The following ATRNL1 variants were observed in gnomAD, a reference collection of about 807,000 sequenced individuals.
ATRNL1 encodes the protein attractin-like protein 1.
ATRNL1 carries 95 observed loss-of-function variants against 182.7 expected under a neutral mutation model. The ratio of observed to expected loss-of-function variants is 0.52; its 90% CI spans 0.44 to 0.62. The LOEUF (loss-of-function observed/expected upper bound fraction) is 0.62. Ranked by LOEUF, ATRNL1 falls within the 20% of genes least tolerant of loss-of-function variation. The pLI is 0.00. For synonymous variants in ATRNL1, 576 were observed against 568.3 expected (o/e 1.01, Z -0.19); for missense variants, 1,471 against 1,679.5 (o/e 0.88, Z 2.17).
At position 115,093,935 on chromosome 10, in the gene ATRNL1, C is replaced by G; in HGVS notation, c.185C>G (p.Pro62Arg). 1 of 1,596,896 alleles carries G rather than the reference C, an allele frequency of 6.3e-7. No homozygotes were observed. The highest frequency in any genetic ancestry group is 8.5e-7 in the Non-Finnish European group (1 of 1,173,138). Residue 62 changes from proline (P) to arginine (R), a missense_variant, in exon 1 of 29, where the codon CCG becomes CGG. Physicochemically the swap from Pro to Arg is moderately radical, Grantham distance 103. Around this residue, in one of 3 missense-constraint regions of ATRNL1, gnomAD observed 1,031 missense variants for 1,156.0 expected, o/e 0.89. Coordinates refer to ENST00000355044, the MANE Select transcript of ATRNL1 (RefSeq NM_207303.4). This position sits in a 1 kb window ranked among gnomAD's most constrained non-coding sequence, Gnocchi z 6.1. ...ALYAQVSQSK[P>R]CERTGSCFSG... ...TACGCGCAGGTGTCCCAGTCCAAGC[C>G]GTGCGAGAGGACCGGCTCCTGCTTC... is the stretch of plus-strand genomic sequence containing the variant.
At chr10:115,916,261 C>T (rs1053113061) in intron 28 of ATRNL1, among the ~76,000 whole-genome samples, 27 of 152,212 alleles carry the variant, frequency 1.8e-4, no homozygotes, top group Admixed American at 1.7e-3. Flanking sequence ...AACTTTACTG[C>T]GGAATTGCTT....
chr10:115,362,983 G>A (rs1420845865), intron 19 of ATRNL1, among the ~76,000 whole-genome samples: 11 of 151,842 alleles, frequency 7.2e-5, no homozygotes, highest in East Asian at 3.9e-4. Flanking sequence ...ATAAACATAC[G>A]TGTGCATGTG....
chr10:115,171,689 T>G (rs1554885681), intron 8 of ATRNL1, among the ~76,000 whole-genome samples: 1 of 152,050 alleles, frequency 6.6e-6, no homozygotes. Context: ...CTAATCTTAC[T>G]GCTATATCTT....
intron 26 of ATRNL1, among the ~76,000 whole-genome samples, chr10:115,630,251 A>G (rs1555025860): frequency 6.6e-6 from 1 of 152,150 alleles, no homozygotes; most frequent in East Asian, 1.9e-4. Context: ...GACAATAGAT[A>G]TATGAAAAGG....
intron 28 of ATRNL1, among the ~76,000 whole-genome samples, chr10:115,855,082 T>A (rs1199134355): frequency 2.0e-5 from 3 of 152,216 alleles, no homozygotes; most frequent in Non-Finnish European, 4.4e-5. Context: ...ACAGCACCAC[T>A]GGCTACATGG....
rs782565892 is a variant in ATRNL1 at position 115,160,124 on chromosome 10, G to A, written c.914G>A (p.Arg305Gln). 2 of 1,611,988 alleles carry A rather than the reference G, an allele frequency of 1.2e-6. No individual in the cohort carries two copies. The highest frequency in any genetic ancestry group is 8.5e-7 in the Non-Finnish European group (1 of 1,178,900). ...AAACCCTTCAGTCCTTCTGTAGGTC[G>A]GGCTTCACATAAAGCAGTTTTACAC... ...NVKPFSPSVG[R>Q]ASHKAVLHGK... is the part of the protein sequence containing the mutation. The change falls in exon 6 of 29, where the codon CGG (arginine) becomes CAG (glutamine). Residue 305 changes from arginine to glutamine, a missense_variant. Coordinates refer to ENST00000355044, the MANE Select transcript of ATRNL1 (RefSeq NM_207303.4).
At chr10:115,617,229 C>T (rs1857479337) in intron 26 of ATRNL1, among the ~76,000 whole-genome samples, 1 of 152,206 alleles carries the variant, frequency 6.6e-6, no homozygotes, top group Non-Finnish European at 1.5e-5. Flanking sequence ...TAATGACTGC[C>T]CTACTTGGTT....
chr10:115,797,686 A>C (rs1949687877), intron 27 of ATRNL1, among the ~76,000 whole-genome samples: 1 of 152,148 alleles, frequency 6.6e-6, no homozygotes, highest in African/African-American at 2.4e-5. Context: ...AAAGCAGGAA[A>C]GTGGGGTTTG....
intron 27 of ATRNL1, among the ~76,000 whole-genome samples, chr10:115,785,900 A>AT (rs1464496644): frequency 1.3e-5 from 2 of 152,160 alleles, no homozygotes; most frequent in African/African-American, 4.8e-5. Context: ...ACACAACACA[A>AT]TTGAGTTGAA....
intron 17 of ATRNL1, among the ~76,000 whole-genome samples, chr10:115,308,389 T>C (rs965324637): frequency 3.3e-5 from 5 of 152,108 alleles, no homozygotes; most frequent in Non-Finnish European, 4.4e-5. Flanking sequence ...TTCAATTAAA[T>C]TTGTATAGTA....
intron 5 of ATRNL1, among the ~76,000 whole-genome samples, chr10:115,158,939 G>T (rs1364744258): frequency 1.3e-5 from 2 of 151,672 alleles, no homozygotes; most frequent in African/African-American, 4.8e-5. Context: ...CAAGTGAAGG[G>T]TAAATGATTA....
At chr10:115,184,369 CACAT>C (rs1291532858) in intron 8 of ATRNL1, among the ~76,000 whole-genome samples, 3 of 151,436 alleles carry the variant, frequency 2.0e-5, no homozygotes, top group Admixed American at 6.6e-5. Flanking sequence ...TATATACACA[CACAT>C]AAACACACAC....
intron 27 of ATRNL1, among the ~76,000 whole-genome samples, chr10:115,760,629 T>TAC (rs1420637480): frequency 6.6e-6 from 1 of 152,122 alleles, no homozygotes; most frequent in African/African-American, 2.4e-5. Context: ...TCTGAAACAA[T>TAC]ACACACACAC....
chr10:115,685,272 A>G (rs565121576), intron 26 of ATRNL1, among the ~76,000 whole-genome samples: 2 of 151,734 alleles, frequency 1.3e-5, no homozygotes, highest in African/African-American at 2.4e-5. Context: ...TCAATTATTC[A>G]TCTTTATTTC....
At chr10:115,714,736 C>T (rs782328717) in intron 26 of ATRNL1, among the ~76,000 whole-genome samples, 1 of 151,604 alleles carries the variant, frequency 6.6e-6, no homozygotes, top group Non-Finnish European at 1.5e-5. Context: ...TTCTCTGATC[C>T]ACTTAAAATT....
Position 115,937,362 on chromosome 10 carries a change from A to G in ATRNL1, c.4019-7296A>G, listed in dbSNP as rs138961936. ...TGGTTTTTAGTAGGTGAGGGGAAATATCTCTTCAAATGATCAGACAAGTAT... is the reference window on the plus strand; with the variant it reads ...TGGTTTTTAGTAGGTGAGGGGAAATGTCTCTTCAAATGATCAGACAAGTAT... On this transcript the variant is annotated intron_variant, in intron 28 of 28. Transcript: ENST00000355044. Among the ~76,000 whole-genome samples the G allele has an allele frequency of 8.4e-4, 128 of 152,372 alleles. 1 individual carries two copies. The highest frequency in any genetic ancestry group is 2.9e-3 in the African/African-American group (121 of 41,594).
chr10:115,494,425 G>A (rs1220151338), intron 24 of ATRNL1, among the ~76,000 whole-genome samples: 1 of 152,120 alleles, frequency 6.6e-6, no homozygotes, highest in Non-Finnish European at 1.5e-5. Flanking sequence ...TTCTCCAGGG[G>A]AATGCTGCTA....
chr10:115,805,096 C>A (rs1949888948), intron 27 of ATRNL1, among the ~76,000 whole-genome samples: 2 of 152,122 alleles, frequency 1.3e-5, no homozygotes, highest in South Asian at 4.1e-4. Flanking sequence ...ATTCTACACC[C>A]AAACATTCCC....
At chr10:115,579,603 G>A (rs1854942678) in intron 26 of ATRNL1, among the ~76,000 whole-genome samples, 1 of 151,862 alleles carries the variant, frequency 6.6e-6, no homozygotes, top group African/African-American at 2.4e-5. Context: ...TTCAGCCAAT[G>A]TGTGTTCTTG....
Sources: gnomAD v4.1 joint callset for allele counts (sites outside exome capture counted in the v4.1 genomes callset) on GRCh38, gnomAD v4.1.1 for gene constraint, gnomAD v4.1.1 regional missense constraint, Gnocchi (gnomAD v3.1) non-coding constraint, MANE v1.5 for transcripts, NCBI Gene and HGNC (gene_info 2026-07-23, HGNC 2026-07-21) for gene names.